The following BMPR2 variants were observed in gnomAD, a reference collection of about 807,000 sequenced individuals.
BMPR2 encodes the protein bone morphogenetic protein receptor type-2.
Under a neutral mutation model 100.8 loss-of-function variants are expected in BMPR2, and 29 were observed. That is an observed-to-expected ratio of 0.29 (90% CI 0.21 to 0.39). BMPR2 has a LOEUF of 0.39. BMPR2 is among the 10% of genes least tolerant of loss of function. The pLI is 1.00. For missense variants in BMPR2, 1,011 were observed against 1,274.5 expected, an observed-to-expected ratio of 0.79 and a Z score of 3.15; for synonymous variants, 382 against 442.3, an observed-to-expected ratio of 0.86 and a Z score of 1.71.
In BMPR2 at chr2:202,555,971, C is replaced by T; in HGVS notation, c.2306C>T (p.Pro769Leu). 4.3e-6 allele frequency: 7 copies of T among 1,614,052 alleles called. No individual in the cohort carries two copies. Among genetic ancestry groups the T allele is most frequent in the Non-Finnish European group, 5.9e-6 (7 of 1,180,006 alleles). The change falls in exon 12 of 13, where the codon CCC becomes CTC. Residue 769 changes from proline to leucine, a missense_variant. Transcript: ENST00000374580. The stretch of plus-strand genomic sequence containing the variant: ...AACACCAAAAATTCAACAAAAGAGC[C>T]CCGGCTAAAATTTGGCAGCAAGCAC... ...PLNTKNSTKE[P>L]RLKFGSKHKS...
chr2:202,448,144 CT>C (rs138944076), intron 1 of BMPR2, among the ~76,000 whole-genome samples: 72 of 143,132 alleles, frequency 5.0e-4, no homozygotes, highest in Non-Finnish European at 8.5e-4. Context: ...AAGTATTTGA[CT>C]TTTTTTTTTG....
intron 9 of BMPR2, 38 bp from the exon 10 acceptor site, chr2:202,542,273 G>T: frequency 6.2e-7 from 1 of 1,610,748 alleles, no homozygotes; most frequent in Non-Finnish European, 8.5e-7. Flanking sequence ...ATGATAGTTA[G>T]AAATTTTATT....
chr2:202,389,686 G>A (rs2105901777), intron 1 of BMPR2, among the ~76,000 whole-genome samples: 1 of 149,844 alleles, frequency 6.7e-6, no homozygotes, highest in East Asian at 2.0e-4. Flanking sequence ...CTCTTGTCCA[G>A]GCTGGAGTGC....
chr2:202,491,582 C>A (rs1692904064), intron 3 of BMPR2, among the ~76,000 whole-genome samples: 2 of 152,172 alleles, frequency 1.3e-5, no homozygotes, highest in South Asian at 4.2e-4. Flanking sequence ...CACCACTACA[C>A]CCAGCTAATT....
At chr2:202,504,058 A>T (rs1687464197) in intron 3 of BMPR2, among the ~76,000 whole-genome samples, 1 of 152,014 alleles carries the variant, frequency 6.6e-6, no homozygotes, top group African/African-American at 2.4e-5. Context: ...TCTGGTGGGG[A>T]CGTGGAGAAC....
chr2:202,484,653 A>G (rs1692734437), intron 3 of BMPR2, among the ~76,000 whole-genome samples: 3 of 140,198 alleles, frequency 2.1e-5, no homozygotes. Flanking sequence ...AGCCTGGGCG[A>G]CACAGCGAGA....
At chr2:202,512,659 C>T (rs968739733) in intron 3 of BMPR2, among the ~76,000 whole-genome samples, 13 of 152,206 alleles carry the variant, frequency 8.5e-5, no homozygotes, top group Admixed American at 7.9e-4. Flanking sequence ...AGGGTATTTG[C>T]TCTAGATGCG....
Position 202,559,647 on chromosome 2 carries a change from A to G in BMPR2, c.2867-49A>G, listed in dbSNP as rs1688646743. On this transcript the variant is annotated intron_variant, in intron 12 of 12. Transcript: ENST00000374580. ...TCTTGAGTTACATCCCTTACCCGTT[A>G]TTTCTTAAGTTTGTTAAATAGCTCA... 1.9e-6 allele frequency: 3 copies of G among 1,598,106 alleles called. No homozygotes were observed. The South Asian group carries it at 3.4e-5, about 18-fold the overall frequency.
chr2:202,557,289 CCT>C (rs1688592938), intron 12 of BMPR2, among the ~76,000 whole-genome samples: 1 of 152,046 alleles, frequency 6.6e-6, no homozygotes, highest in Non-Finnish European at 1.5e-5. Context: ...TGGTGAAACC[CCT>C]GTGTCTACTA....
intron 3 of BMPR2, among the ~76,000 whole-genome samples, chr2:202,483,915 G>T (rs1692714350): frequency 6.6e-6 from 1 of 152,112 alleles, no homozygotes; most frequent in Admixed American, 6.5e-5. Context: ...AATATAGTGA[G>T]ACCTTGTCTC....
At chr2:202,544,465 T>C (rs763003483) in intron 10 of BMPR2, among the ~76,000 whole-genome samples, 12 of 152,222 alleles carry the variant, frequency 7.9e-5, no homozygotes, top group Non-Finnish European at 1.0e-4. Flanking sequence ...TACTACTCCA[T>C]CATTCTCTAG....
rs528088034 is a variant in BMPR2 at position 202,512,368 on chromosome 2, T to C, written c.419-1351T>C. On this transcript the variant is annotated intron_variant, in intron 3 of 12. Transcript: ENST00000374580. The stretch of plus-strand genomic sequence containing the variant: ...TGCATAACTACATCTAGTTAAACAA[T>C]GAACAGCTCTTTCATAGGGCAACTC... Among the ~76,000 whole-genome samples, 14 of 152,340 alleles carry C rather than the reference T, an allele frequency of 9.2e-5. No homozygotes were observed. The South Asian group carries it at 2.5e-3, about 27-fold the overall frequency.
intron 1 of BMPR2, among the ~76,000 whole-genome samples, chr2:202,459,590 T>G (rs1352577869): frequency 6.6e-6 from 1 of 152,194 alleles, no homozygotes; most frequent in Non-Finnish European, 1.5e-5. Flanking sequence ...ACCTGTGGTG[T>G]TTGGTTTTCT....
rs749511416 is a variant in BMPR2 at position 202,556,407 on chromosome 2, T to C, written c.2742T>C (p.Asp914=). 7 of 1,614,182 alleles carry C rather than the reference T, an allele frequency of 4.3e-6. No homozygotes were observed. Among genetic ancestry groups the C allele is most frequent in the African/African-American group, 1.3e-5 (1 of 75,034 alleles). Reference sequence around the variant, plus strand: ...ACAGCAATCCATGTTCAGAACAAGATGTTCTTGCACAGGGTGTTCCAAGCA... The same window carrying C: ...ACAGCAATCCATGTTCAGAACAAGACGTTCTTGCACAGGGTGTTCCAAGCA... ...NNNSNPCSEQ[D]VLAQGVPSTA... Residue 914 remains aspartate, a synonymous_variant, in exon 12 of 13, where the codon GAT becomes GAC. Transcript: ENST00000374580.
intron 1 of BMPR2, among the ~76,000 whole-genome samples, chr2:202,462,699 TTTGTTGTTG>T (rs766953765): frequency 6.6e-6 from 1 of 151,834 alleles, no homozygotes; most frequent in Admixed American, 6.6e-5. Flanking sequence ...GGTTTTGTTT[TTTGTTGTTG>T]TTGTTGTTGT....
rs544857192 is a variant in BMPR2 at position 202,490,259 on chromosome 2, T to A, written c.418+22570T>A. 3.3e-5 allele frequency among the ~76,000 whole-genome samples: 5 copies of A among 152,212 alleles called. No homozygotes were observed. In the South Asian group the frequency reaches 1.0e-3, roughly 32 times the overall value. On this transcript the variant is annotated intron_variant, in intron 3 of 12. Coordinates refer to ENST00000374580, the MANE Select transcript of BMPR2 (RefSeq NM_001204.7). ...TGGCAGAAGGTGGATATATTTTCAT[T>A]ATAGGGAAGTGACAATTTTAGGAAG...
At chr2:202,531,440 C>T (rs967746690) in intron 8 of BMPR2, among the ~76,000 whole-genome samples, 7 of 152,130 alleles carry the variant, frequency 4.6e-5, no homozygotes, top group African/African-American at 1.7e-4. Context: ...GTCATTTTTA[C>T]AAGCATTAGG....
In BMPR2 at chr2:202,540,372, A is replaced by G. The variant is rs949488540; in HGVS notation, c.1277-1939A>G. Among the ~76,000 whole-genome samples the G allele has an allele frequency of 8.9e-4, 136 of 152,300 alleles. 1 individual carries two copies. The highest frequency in any genetic ancestry group is 3.1e-3 in the African/African-American group (128 of 41,570). ...TAAGGTTTTATCACATGGGGTTTCA[A>G]GGAAGAAAGTGATATACTAACTGCC... On this transcript the variant is annotated intron_variant, in intron 9 of 12. Transcript: ENST00000374580.
chr2:202,400,753 A>T (rs1176760064), intron 1 of BMPR2, among the ~76,000 whole-genome samples: 1 of 152,142 alleles, frequency 6.6e-6, no homozygotes, highest in Non-Finnish European at 1.5e-5. Context: ...CATAGTTTTA[A>T]ATCTTTAACT....
Sources: allele counts gnomAD v4.1 joint callset (sites outside exome capture counted in the v4.1 genomes callset), GRCh38; gene constraint gnomAD v4.1.1; transcripts MANE v1.5; gene names NCBI Gene and HGNC (gene_info 2026-07-23, HGNC 2026-07-21).